Variants in SLC35F3 observed in about 807,000 individuals in gnomAD.
SLC35F3 encodes putative thiamine transporter SLC35F3.
A neutral mutation model predicts 49.9 loss-of-function variants in SLC35F3; 25 were observed. That is an observed-to-expected ratio of 0.50 (90% CI 0.37 to 0.70). SLC35F3 has a LOEUF of 0.70. Among genes scored for constraint, SLC35F3 ranks in the 30% least tolerant of loss-of-function variants. The probability of loss-of-function intolerance (pLI) is 0.00; values close to 1 mark genes in which losing one functional copy is unlikely to be tolerated. For missense variants in SLC35F3, 525 were observed against 639.8 expected, an observed-to-expected ratio of 0.82 and a Z score of 1.94; for synonymous variants, 275 against 265.4, an observed-to-expected ratio of 1.04 and a Z score of -0.35.
intron 2 of SLC35F3, among the ~76,000 whole-genome samples, chr1:233,999,698 G>A (rs1663519981): frequency 6.6e-6 from 1 of 151,772 alleles, no homozygotes; most frequent in African/African-American, 2.4e-5. Flanking sequence ...CATGCAAGTG[G>A]CCGAGCCCAT....
intron 2 of SLC35F3, among the ~76,000 whole-genome samples, chr1:234,035,918 A>C (rs1003355075): frequency 1.3e-5 from 2 of 152,176 alleles, no homozygotes; most frequent in Non-Finnish European, 2.9e-5. Flanking sequence ...TTCAGCTCCT[A>C]TATTTCAAAT....
At chr1:234,030,659 G>T (rs1664048983) in intron 2 of SLC35F3, among the ~76,000 whole-genome samples, 1 of 152,180 alleles carries the variant, frequency 6.6e-6, no homozygotes, top group African/African-American at 2.4e-5. Context: ...TGGATAGCAT[G>T]AAATTGCTGA....
chr1:234,214,358 G>T lies in SLC35F3; in HGVS notation c.284-17059G>T. ...CGGAGCCCGGCGGGCAGCCGGGGAG[G>T]CCGGGACTGAGAGGGGCGAGCCGCT... On this transcript the variant is annotated intron_variant, in intron 2 of 7. Transcript: ENST00000366618. This position sits in a 1 kb window ranked among gnomAD's most constrained non-coding sequence, Gnocchi z 8.0. The T allele has an allele frequency of 7.5e-7, 1 of 1,335,476 alleles. No homozygotes were observed. Among genetic ancestry groups the T allele is most frequent in the Non-Finnish European group, 9.6e-7 (1 of 1,044,350 alleles). 82.7% of individuals were successfully genotyped at this position (1,335,476 alleles called of 1,614,324 possible). A position where few individuals can be genotyped will look rare whatever the true frequency, so the allele number is the denominator to read the frequency against.
chr1:234,289,834 A>C (rs995632990), intron 3 of SLC35F3, among the ~76,000 whole-genome samples: 1 of 152,262 alleles, frequency 6.6e-6, no homozygotes, highest in Non-Finnish European at 1.5e-5. Context: ...TCCCAAAGTC[A>C]AAACTTATAA....
intron 2 of SLC35F3, among the ~76,000 whole-genome samples, chr1:234,111,041 A>G (rs1000288401): frequency 1.3e-5 from 2 of 152,218 alleles, no homozygotes; most frequent in African/African-American, 2.4e-5. Context: ...ATTTTAGAAC[A>G]TTGTTATAGG....
At chr1:234,296,048 G>A (rs944186631) in intron 3 of SLC35F3, among the ~76,000 whole-genome samples, 4 of 152,238 alleles carry the variant, frequency 2.6e-5, no homozygotes, top group African/African-American at 9.6e-5. Context: ...TGATGTGGAA[G>A]TTGTGAAAAA....
intron 2 of SLC35F3, among the ~76,000 whole-genome samples, chr1:234,112,722 ATTTTTTTTTTTTTTT>A (rs1157248348): frequency 3.0e-5 from 1 of 33,546 alleles, no homozygotes; most frequent in Non-Finnish European, 4.9e-5. Context: ...TGCCCAGCTA[ATTTTTTTTTTTTTTT>A]TTTTTTTTTT....
At chr1:233,926,131 G>A (rs1018297062) in intron 2 of SLC35F3, among the ~76,000 whole-genome samples, 2 of 152,040 alleles carry the variant, frequency 1.3e-5, no homozygotes, top group East Asian at 3.9e-4. Flanking sequence ...TCTTCTCGAG[G>A]AGTATCTTTG....
chr1:234,095,672 C>T (rs1489329305), intron 2 of SLC35F3, among the ~76,000 whole-genome samples: 1 of 152,182 alleles, frequency 6.6e-6, no homozygotes, highest in African/African-American at 2.4e-5. Context: ...AACAGATTGT[C>T]ATCATTGACT....
At chr1:234,043,317 ATT>A (rs1664248819) in intron 2 of SLC35F3, among the ~76,000 whole-genome samples, 3 of 152,234 alleles carry the variant, frequency 2.0e-5, no homozygotes, top group Non-Finnish European at 4.4e-5. Flanking sequence ...GTTAATGCTC[ATT>A]ATAACTATCA....
Position 233,957,275 on chromosome 1 carries a change from T to C in SLC35F3, c.283+51517T>C, listed in dbSNP as rs1662720441. 6.6e-6 allele frequency among the ~76,000 whole-genome samples: 1 copy of C among 152,118 alleles called. No homozygotes were observed. The highest frequency in any genetic ancestry group is 2.4e-5 in the African/African-American group (1 of 41,420). ...AAATGTACTACTTAAGGAGGCTGAATATAAAGGAATCTGAACCATAACAAA... is the reference window on the plus strand; with the variant it reads ...AAATGTACTACTTAAGGAGGCTGAACATAAAGGAATCTGAACCATAACAAA... On this transcript the variant is annotated intron_variant, in intron 2 of 7. Coordinates refer to ENST00000366618, the MANE Select transcript of SLC35F3 (RefSeq NM_173508.4). This position sits in a 1 kb window ranked among gnomAD's most constrained non-coding sequence, Gnocchi z 4.0.
chr1:234,276,496 C>T (rs1222508776), intron 3 of SLC35F3, among the ~76,000 whole-genome samples: 1 of 152,082 alleles, frequency 6.6e-6, no homozygotes, highest in East Asian at 1.9e-4. Context: ...TTCTAGATAA[C>T]ATTACAGCTT....
chr1:234,003,623 A>C (rs1203950197), intron 2 of SLC35F3, among the ~76,000 whole-genome samples: 1 of 152,206 alleles, frequency 6.6e-6, no homozygotes, highest in African/African-American at 2.4e-5. Flanking sequence ...CAAAAGGGCA[A>C]AATCCATAAC....
intron 3 of SLC35F3, among the ~76,000 whole-genome samples, chr1:234,302,168 G>GTTT (rs1039830707): frequency 1.3e-5 from 2 of 151,112 alleles, no homozygotes; most frequent in African/African-American, 4.9e-5. Flanking sequence ...TGTTGTTGTT[G>GTTT]TTTTTTTTAA....
At position 234,267,863 on chromosome 1, in the gene SLC35F3, C is replaced by T. The variant is rs993846540; in HGVS notation, c.608+36122C>T. ...GCTCCTCACATCCCAGACAGGGCGG[C>T]GGGGCAGAGGTGCTCCCCACATCTC... is the stretch of plus-strand genomic sequence containing the variant. On this transcript the variant is annotated intron_variant, in intron 3 of 7. Coordinates refer to ENST00000366618, the MANE Select transcript of SLC35F3 (RefSeq NM_173508.4). 4.2e-5 allele frequency among the ~76,000 whole-genome samples: 6 copies of T among 142,304 alleles called. No homozygotes were observed. The East Asian group carries it at 8.2e-4, about 20-fold the overall frequency. The allele number at this position is 142,304 out of a possible 152,430, so 93.4% of individuals were successfully genotyped here.
At chr1:233,963,193 T>G (rs572236623) in intron 2 of SLC35F3, among the ~76,000 whole-genome samples, 34 of 152,266 alleles carry the variant, frequency 2.2e-4, no homozygotes, top group African/African-American at 8.2e-4. Flanking sequence ...ATGTTGGGGG[T>G]GGGTACTTCT....
At chr1:234,022,799 T>C (rs764952826) in intron 2 of SLC35F3, among the ~76,000 whole-genome samples, 3 of 152,176 alleles carry the variant, frequency 2.0e-5, no homozygotes, top group Non-Finnish European at 4.4e-5. Flanking sequence ...CCTTGCCACG[T>C]TGGCTATTCT....
chr1:233,908,136 G>A (rs2102780257), intron 2 of SLC35F3, among the ~76,000 whole-genome samples: 1 of 151,968 alleles, frequency 6.6e-6, no homozygotes, highest in Non-Finnish European at 1.5e-5. Flanking sequence ...TTTATTTGTT[G>A]GTTGGTAATT....
intron 2 of SLC35F3, among the ~76,000 whole-genome samples, chr1:234,021,876 C>T (rs757937280): frequency 6.6e-6 from 1 of 152,002 alleles, no homozygotes; most frequent in Non-Finnish European, 1.5e-5. Context: ...AGCAGTGACA[C>T]GTACTGTGAC....
Sources: allele counts gnomAD v4.1 joint callset (sites outside exome capture counted in the v4.1 genomes callset), GRCh38; gene constraint gnomAD v4.1.1; non-coding constraint Gnocchi (gnomAD v3.1); transcripts MANE v1.5; gene names NCBI Gene and HGNC (gene_info 2026-07-23, HGNC 2026-07-21).